CELF4: variants seen among roughly 807,000 people sequenced by gnomAD.
The protein encoded by CELF4 is CUGBP Elav-like family member 4, also known as CUG-BP- and ETR-3-like factor 4.
Under a neutral mutation model 59.9 loss-of-function variants are expected in CELF4, and 18 were observed. The ratio of observed to expected loss-of-function variants is 0.30; its 90% CI spans 0.21 to 0.45. The LOEUF (loss-of-function observed/expected upper bound fraction) is 0.45, where lower values mean the gene tolerates loss of function less well. CELF4 is among the 20% of genes least tolerant of loss of function. The pLI is 1.00. For missense variants in CELF4, 456 were observed against 689.0 expected (o/e 0.66, Z 3.79); for synonymous variants, 261 against 267.1 (o/e 0.98, Z 0.22).
chr18:37,532,884 G>A (rs2099970669), intron 1 of CELF4, among the ~76,000 whole-genome samples: 1 of 152,254 alleles, frequency 6.6e-6, no homozygotes, highest in Admixed American at 6.5e-5. Context: ...TTAGGTAACT[G>A]TCAGTGACCT....
At chr18:37,531,768 G>A (rs2099969794) in intron 1 of CELF4, among the ~76,000 whole-genome samples, 1 of 152,148 alleles carries the variant, frequency 6.6e-6, no homozygotes, top group Non-Finnish European at 1.5e-5. Flanking sequence ...CAGGATGTAG[G>A]ATGCAGCTGA....
chr18:37,285,927 T>C (rs1057093590), intron 3 of CELF4, among the ~76,000 whole-genome samples: 3 of 152,162 alleles, frequency 2.0e-5, no homozygotes, highest in Non-Finnish European at 4.4e-5. Context: ...TGTTGTCTAA[T>C]GGGGTTTCCG....
At chr18:37,479,330 C>A (rs1311131536) in intron 2 of CELF4, among the ~76,000 whole-genome samples, 1 of 152,224 alleles carries the variant, frequency 6.6e-6, no homozygotes, top group Non-Finnish European at 1.5e-5. Context: ...CCTCACTGTC[C>A]CACCTTCTAC....
chr18:37,448,035 A>G (rs919143334), intron 2 of CELF4, among the ~76,000 whole-genome samples: 1 of 152,246 alleles, frequency 6.6e-6, no homozygotes, highest in Non-Finnish European at 1.5e-5. Flanking sequence ...CCTAGGTCTG[A>G]GTACACGGTG....
chr18:37,454,660 G>A (rs896227420), intron 2 of CELF4, among the ~76,000 whole-genome samples: 9 of 152,054 alleles, frequency 5.9e-5, no homozygotes, highest in Admixed American at 3.3e-4. Flanking sequence ...ATGTCCATCC[G>A]GCATCAGGAA....
intron 2 of CELF4, among the ~76,000 whole-genome samples, chr18:37,434,943 A>G (rs1481772201): frequency 6.6e-6 from 1 of 152,166 alleles, no homozygotes; most frequent in African/African-American, 2.4e-5. Flanking sequence ...TGCAGGGGGA[A>G]ATTCAGATCT....
chr18:37,259,565 G>A (rs1017027298), intron 10 of CELF4, among the ~76,000 whole-genome samples: 2 of 152,148 alleles, frequency 1.3e-5, no homozygotes, highest in Admixed American at 6.5e-5. Flanking sequence ...CTCCAGAGGC[G>A]GAGTCGACCT....
At chr18:37,259,088 G>A (rs777659034) in intron 11 of CELF4, 93 bp downstream of exon 11, 33 of 1,594,078 alleles carry the variant, frequency 2.1e-5, no homozygotes, top group East Asian at 1.3e-4. Flanking sequence ...CCCTGTCCTA[G>A]GTGAAGCTAA....
chr18:37,298,601 A>G lies in CELF4; in HGVS notation c.448+23202T>C, dbSNP rs974842044. On this transcript the variant is annotated intron_variant, in intron 3 of 12. Coordinates refer to ENST00000420428, the MANE Select transcript of CELF4 (RefSeq NM_020180.4). ...AAAAATTAGCTGAGTGTGGTGGCAC[A>G]CACCTCCCAGCTACTCCGGAGGCTG... 3.3e-5 allele frequency among the ~76,000 whole-genome samples: 5 copies of G among 152,002 alleles called. No homozygotes were observed. In the South Asian group the frequency reaches 8.3e-4, roughly 25 times the overall value.
intron 3 of CELF4, among the ~76,000 whole-genome samples, chr18:37,316,865 G>A (rs1351868264): frequency 1.3e-5 from 2 of 152,142 alleles, no homozygotes; most frequent in Non-Finnish European, 2.9e-5. Flanking sequence ...AAATGTCTGT[G>A]GTGTCTTCCC....
At chr18:37,516,307 C>T (rs779143137) in intron 1 of CELF4, among the ~76,000 whole-genome samples, 1 of 152,060 alleles carries the variant, frequency 6.6e-6, no homozygotes, top group Non-Finnish European at 1.5e-5. Context: ...CCTGGACCAC[C>T]CATCCCACCA....
intron 1 of CELF4, among the ~76,000 whole-genome samples, chr18:37,507,676 G>C (rs1178455340): frequency 1.3e-5 from 2 of 152,318 alleles, no homozygotes; most frequent in South Asian, 2.1e-4. Flanking sequence ...TGAGAGAGCA[G>C]ACCTGGGTTT....
At chr18:37,329,000 C>G (rs1034370652) in intron 2 of CELF4, among the ~76,000 whole-genome samples, 1 of 152,082 alleles carries the variant, frequency 6.6e-6, no homozygotes, top group African/African-American at 2.4e-5. Context: ...TTTTTATTTG[C>G]TATTTGATGT....
At chr18:37,402,314 T>C (rs78021572) in intron 2 of CELF4, among the ~76,000 whole-genome samples, 15,377 of 152,240 alleles carry the variant, frequency 0.1, 989 homozygotes, top group African/African-American at 0.16. Context: ...AGAAGAGGCA[T>C]TGGGGCCCCA....
At chr18:37,442,798 C>T (rs1233241678) in intron 2 of CELF4, among the ~76,000 whole-genome samples, 2 of 152,208 alleles carry the variant, frequency 1.3e-5, no homozygotes, top group African/African-American at 2.4e-5. Context: ...CTTACGGAGG[C>T]GCCTTGCAAT....
intron 1 of CELF4, among the ~76,000 whole-genome samples, chr18:37,516,791 C>T (rs2099951119): frequency 6.6e-6 from 1 of 152,148 alleles, no homozygotes; most frequent in Admixed American, 6.5e-5. Flanking sequence ...GGTGGCTCAC[C>T]CCCACAGCTG....
intron 2 of CELF4, among the ~76,000 whole-genome samples, chr18:37,475,726 G>A (rs1385424224): frequency 1.3e-5 from 2 of 152,196 alleles, no homozygotes; most frequent in Non-Finnish European, 2.9e-5. Flanking sequence ...TAAGGGGCTA[G>A]AGGCTCTGAA....
chr18:37,553,206 G>C (rs1016200247), intron 1 of CELF4, among the ~76,000 whole-genome samples: 2 of 151,976 alleles, frequency 1.3e-5, no homozygotes, highest in Admixed American at 6.5e-5. Flanking sequence ...TTTAAAATTG[G>C]ATAAGAAAAT....
At chr18:37,507,290 A>G (rs1411565709) in intron 1 of CELF4, among the ~76,000 whole-genome samples, 1 of 151,946 alleles carries the variant, frequency 6.6e-6, no homozygotes, top group East Asian at 1.9e-4. Context: ...TCTGCCCCTC[A>G]CCTTAGATGG....
Sources: gnomAD v4.1 joint callset for allele counts (sites outside exome capture counted in the v4.1 genomes callset) on GRCh38, gnomAD v4.1.1 for gene constraint, MANE v1.5 for transcripts, NCBI Gene and HGNC (gene_info 2026-07-23, HGNC 2026-07-21) for gene names.